The following DNAH17 variants were observed in gnomAD, a reference collection of about 807,000 sequenced individuals.
DNAH17 encodes axonemal beta dynein heavy chain 17.
In DNAH17, 376 loss-of-function variants were observed where a neutral mutation model predicts 485.6. The ratio of observed to expected loss-of-function variants is 0.77; its 90% CI spans 0.71 to 0.84. The LOEUF (loss-of-function observed/expected upper bound fraction) is 0.84. Ranked by LOEUF, DNAH17 falls within the 40% of genes least tolerant of loss-of-function variation. DNAH17 has a pLI of 0.00. For missense variants in DNAH17, 6,370 were observed against 5,839.3 expected, an observed-to-expected ratio of 1.09 and a Z score of -2.96; for synonymous variants, 3,031 against 2,405.9, an observed-to-expected ratio of 1.26 and a Z score of -7.60.
At chr17:78,483,072 A>T (rs1451982576) in intron 48 of DNAH17, among the ~76,000 whole-genome samples, 5 of 152,016 alleles carry the variant, frequency 3.3e-5, no homozygotes, top group Non-Finnish European at 5.9e-5. Flanking sequence ...GCTCTCATGC[A>T]TGCACCTGTC....
In DNAH17 at chr17:78,514,990, G is replaced by C; in HGVS notation, c.3897C>G (p.Thr1299=). 1 of 1,613,926 alleles carries C rather than the reference G, an allele frequency of 6.2e-7. No individual in the cohort carries two copies. Among genetic ancestry groups the C allele is most frequent in the South Asian group, 1.1e-5 (1 of 91,080 alleles). ...GCTCAACGTTGATATCTTTCCACTT[G>C]GTGGTCTTCCAGTCCTCGATGCTGG... The part of the protein sequence containing the change: ...VNTSIEDWKT[T]KWKDINVEQM... The change falls in exon 26 of 81, where the codon ACC becomes ACG. Residue 1299 remains threonine, a synonymous_variant. Coordinates refer to ENST00000389840, the MANE Select transcript of DNAH17 (RefSeq NM_173628.4).
chr17:78,485,425 G>A lies in DNAH17; in HGVS notation c.7483+125C>T, dbSNP rs554903919. The A allele has an allele frequency of 9.8e-5, 90 of 921,740 alleles. No individual in the cohort carries two copies. The East Asian group carries it at 2.0e-3, about 21-fold the overall frequency. The allele number at this position is 921,740 out of a possible 1,614,324, so 57.1% of individuals were successfully genotyped here. A position where few individuals can be genotyped will look rare whatever the true frequency, so the allele number is the denominator to read the frequency against. Reference sequence around the variant, plus strand: ...CAGGAAGGAAAGGCCAGCGGGTGGGGCATGGGAAGTGAGGAGGTGCAAAGT... The same window carrying A: ...CAGGAAGGAAAGGCCAGCGGGTGGGACATGGGAAGTGAGGAGGTGCAAAGT... On this transcript the variant is annotated intron_variant, in intron 47 of 80. Coordinates refer to ENST00000389840, the MANE Select transcript of DNAH17 (RefSeq NM_173628.4).
At chr17:78,480,031 TTTTTTTTTTTTTTTTTTTAA>T in intron 49 of DNAH17, among the ~76,000 whole-genome samples, 1 of 100,662 alleles carries the variant, frequency 9.9e-6, no homozygotes, top group African/African-American at 3.6e-5. Flanking sequence ...TTTTTTTTTT[TTTTTTTTTTTTTTTTTTTAA>T]AAAAAGTATG....
intron 52 of DNAH17, 38 bp downstream of exon 52, chr17:78,476,534 T>C: frequency 6.3e-7 from 1 of 1,584,192 alleles, no homozygotes; most frequent in African/African-American, 1.3e-5. Context: ...CCTGGAGCCA[T>C]TCTGGGCTCG....
intron 51 of DNAH17, among the ~76,000 whole-genome samples, chr17:78,477,721 C>T (rs2089099675): frequency 6.6e-6 from 1 of 152,140 alleles, no homozygotes; most frequent in Admixed American, 6.5e-5. Flanking sequence ...ACTTAGCCTC[C>T]CTCAGCCACA....
chr17:78,467,740 G>A (rs2088544938), intron 55 of DNAH17, among the ~76,000 whole-genome samples: 1 of 152,170 alleles, frequency 6.6e-6, no homozygotes, highest in Non-Finnish European at 1.5e-5. Context: ...CCCTAGAGGT[G>A]ATGTCGAAAA....
chr17:78,551,481 AGGG>A, intron 16 of DNAH17, 51 bp downstream of exon 16: 1 of 1,556,328 alleles, frequency 6.4e-7, no homozygotes, highest in South Asian at 1.1e-5. Flanking sequence ...GGTTTGCCCC[AGGG>A]CAGCCCCAGG....
At position 78,439,199 on chromosome 17, in the gene DNAH17, G is replaced by A; in HGVS notation, c.11696C>T (p.Thr3899Ile). Residue 3899 changes from threonine (T) to isoleucine (I), a missense_variant, in exon 73 of 81, where the codon ACC (threonine) becomes ATC (isoleucine). Coordinates refer to ENST00000389840, the MANE Select transcript of DNAH17 (RefSeq NM_173628.4). ...VEALGKKLGFTIDNGKLHNVS... is the reference protein window; with the variant it reads ...VEALGKKLGFIIDNGKLHNVS... Reference sequence around the variant, plus strand: ...ATTATGGAGTTTTCCATTGTCTATGGTAAACCCTAGTTTTTTTCCTAAAGA... The same window carrying A: ...ATTATGGAGTTTTCCATTGTCTATGATAAACCCTAGTTTTTTTCCTAAAGA... 1 of 1,599,040 alleles carries A rather than the reference G, an allele frequency of 6.3e-7. No homozygotes were observed. Among genetic ancestry groups the A allele is most frequent in the Non-Finnish European group, 8.5e-7 (1 of 1,176,066 alleles).
intron 21 of DNAH17, among the ~76,000 whole-genome samples, chr17:78,529,966 G>A (rs62075885): frequency 0.2 from 30,594 of 152,096 alleles, 3,679 homozygotes; most frequent in Non-Finnish European, 0.27. Flanking sequence ...CTAGCCTCCC[G>A]GATGGAATTC....
At chr17:78,469,051 T>C (rs997566057) in intron 54 of DNAH17, among the ~76,000 whole-genome samples, 168 bp from the exon 55 acceptor site, 13 of 151,606 alleles carry the variant, frequency 8.6e-5, no homozygotes, top group African/African-American at 2.7e-4. Context: ...GCAACCTCCG[T>C]CTCCTGGGTT....
At position 78,444,693 on chromosome 17, in the gene DNAH17, G is replaced by C. The variant is rs768003594; in HGVS notation, c.11439C>G (p.Ile3813Met). ...LVESEAPEKE[I>M]FPKEWKNKTA... ...TCTTGTTCTTCCACTCCTTGGGGAA[G>C]ATCTCCTTCTCGGGGGCTTCCGACT... Residue 3813 changes from isoleucine (I) to methionine (M), a missense_variant, in exon 71 of 81, where the codon ATC becomes ATG. Physicochemically the swap from Ile to Met is conservative, Grantham distance 10. Transcript: ENST00000389840. 4 of 1,610,572 alleles carry C rather than the reference G, an allele frequency of 2.5e-6. No individual in the cohort carries two copies. The Admixed American group carries it at 6.8e-5, about 27-fold the overall frequency.
chr17:78,472,958 A>AGG (rs1402294703), intron 54 of DNAH17, among the ~76,000 whole-genome samples: 8 of 152,186 alleles, frequency 5.3e-5, no homozygotes, highest in Non-Finnish European at 1.0e-4. Context: ...TCTTGGGACC[A>AGG]AGCCCAGGGC....
chr17:78,539,137 A>G (rs953874964), intron 18 of DNAH17, among the ~76,000 whole-genome samples: 1 of 152,150 alleles, frequency 6.6e-6, no homozygotes, highest in Non-Finnish European at 1.5e-5. Flanking sequence ...AGGCTGAGGT[A>G]GAGAACTGCT....
intron 11 of DNAH17, among the ~76,000 whole-genome samples, chr17:78,563,523 G>A (rs1285720289): frequency 6.6e-6 from 1 of 151,990 alleles, no homozygotes; most frequent in Admixed American, 6.6e-5. Context: ...CCAGACAACC[G>A]ACACACCTGT....
intron 16 of DNAH17, among the ~76,000 whole-genome samples, chr17:78,547,102 A>T (rs2058376990): frequency 6.6e-6 from 1 of 152,174 alleles, no homozygotes; most frequent in South Asian, 2.1e-4. Flanking sequence ...AACCTTTTAC[A>T]ACCGTATTTA....
At chr17:78,452,167 T>C (rs1359913438) in intron 65 of DNAH17, among the ~76,000 whole-genome samples, 5 of 151,588 alleles carry the variant, frequency 3.3e-5, no homozygotes, top group Admixed American at 3.3e-4. Context: ...ACCAGGCCCC[T>C]CCCAGAGTCT....
Position 78,532,680 on chromosome 17 carries a change from C to A in DNAH17, c.2916G>T (p.Leu972=), listed in dbSNP as rs2091272966. 6.3e-7 allele frequency: 1 copy of A among 1,593,018 alleles called. No individual in the cohort carries two copies. The highest frequency in any genetic ancestry group is 2.3e-5 in the East Asian group (1 of 44,328). Residue 972 remains leucine (L), a synonymous_variant, in exon 20 of 81, where the codon CTG becomes CTT. Transcript: ENST00000389840. ...LIEMREEVSS[L]VINAMKEAEE... is the part of the protein sequence containing the mutation. Reference sequence around the variant, plus strand: ...CGGCCTCCTTCATGGCATTGATGACCAGGCTGGACACCTCCTCCCTCATCT... The same window carrying A: ...CGGCCTCCTTCATGGCATTGATGACAAGGCTGGACACCTCCTCCCTCATCT...
intron 75 of DNAH17, 59 bp from the exon 76 acceptor site, chr17:78,429,359 G>T: frequency 1.3e-6 from 2 of 1,562,462 alleles, no homozygotes; most frequent in Non-Finnish European, 1.7e-6. Flanking sequence ...TCTGCCATGA[G>T]AGGGTCAGGC....
intron 42 of DNAH17, 62 bp downstream of exon 42, chr17:78,492,571 A>C (rs2089907983): frequency 6.3e-7 from 1 of 1,592,882 alleles, no homozygotes; most frequent in Non-Finnish European, 8.6e-7. Flanking sequence ...ACGGCTGAGC[A>C]CACGCTCACT....
Sources: gnomAD v4.1 joint callset for allele counts (sites outside exome capture counted in the v4.1 genomes callset) on GRCh38, gnomAD v4.1.1 for gene constraint, MANE v1.5 for transcripts, NCBI Gene and HGNC (gene_info 2026-07-23, HGNC 2026-07-21) for gene names.